The following STIM1 variants were observed in gnomAD, a reference collection of about 807,000 sequenced individuals.
The protein encoded by STIM1 is stromal interaction molecule 1.
In STIM1, 25 loss-of-function variants were observed where a neutral mutation model predicts 74.7. That is an observed-to-expected ratio of 0.33 (90% CI 0.24 to 0.47). The LOEUF (loss-of-function observed/expected upper bound fraction) is 0.47. STIM1 is among the 20% of genes least tolerant of loss of function. The probability of loss-of-function intolerance (pLI) is 1.00; values close to 1 mark genes in which losing one functional copy is unlikely to be tolerated. For synonymous variants in STIM1, 328 were observed against 348.8 expected (o/e 0.94, Z 0.66); for missense variants, 728 against 920.8 (o/e 0.79, Z 2.71).
At chr11:3,956,416 G>T (rs1299858951) in intron 1 of STIM1, among the ~76,000 whole-genome samples, 3 of 152,142 alleles carry the variant, frequency 2.0e-5, no homozygotes, top group Non-Finnish European at 4.4e-5. Context: ...GGGAAAAAAT[G>T]AATTTAGAAT....
chr11:3,963,127 T>C (rs146370520), intron 1 of STIM1, among the ~76,000 whole-genome samples: 3 of 152,316 alleles, frequency 2.0e-5, no homozygotes, highest in African/African-American at 7.2e-5. Flanking sequence ...CAAGTATAGG[T>C]TTGCTACATA....
chr11:3,984,583 T>C lies in STIM1; in HGVS notation c.270+16901T>C, dbSNP rs539107104. ...ATCAGTTTATAGGCCGCAACTTCCA[T>C]TGAGTTCAAGTTATTTGGCCCAGCT... On this transcript the variant is annotated intron_variant, in intron 2 of 12. Coordinates refer to ENST00000526596, the MANE Select transcript of STIM1 (RefSeq NM_001382567.1). Among the ~76,000 whole-genome samples the C allele has an allele frequency of 1.8e-3, 281 of 152,340 alleles. 1 individual carries two copies. The highest frequency in any genetic ancestry group is 6.5e-3 in the African/African-American group (270 of 41,588).
intron 1 of STIM1, among the ~76,000 whole-genome samples, chr11:3,887,040 A>T (rs1015608360): frequency 1.3e-5 from 2 of 152,032 alleles, no homozygotes; most frequent in African/African-American, 4.8e-5. Context: ...CCATATACTC[A>T]AGGAGTTTCC....
In STIM1 at chr11:3,907,452, G is replaced by A. The variant is rs564101500; in HGVS notation, c.139+51043G>A. Reference sequence around the variant, plus strand: ...ATGGAATCTGTCAGCATATCCTGTCGGTTCTACCTTTAAAACAAATCCAAC... The same window carrying A: ...ATGGAATCTGTCAGCATATCCTGTCAGTTCTACCTTTAAAACAAATCCAAC... On this transcript the variant is annotated intron_variant, in intron 1 of 12. Coordinates refer to ENST00000526596, the MANE Select transcript of STIM1 (RefSeq NM_001382567.1). Among the ~76,000 whole-genome samples, 6 of 152,102 alleles carry A rather than the reference G, an allele frequency of 3.9e-5. No homozygotes were observed. In the East Asian group the frequency reaches 7.7e-4, roughly 20 times the overall value.
At chr11:4,075,077 G>T (rs948074777) in intron 7 of STIM1, among the ~76,000 whole-genome samples, 2 of 152,104 alleles carry the variant, frequency 1.3e-5, no homozygotes, top group African/African-American at 4.8e-5. Flanking sequence ...GGAGGTGGAG[G>T]TTGCAGTGAG....
chr11:4,058,833 T>G, intron 4 of STIM1: 1 of 1,018,376 alleles, frequency 9.8e-7, no homozygotes, highest in Non-Finnish European at 1.2e-6. Context: ...CAGGTTTATA[T>G]ATAATGACAG....
chr11:3,981,374 G>A lies in STIM1; in HGVS notation c.270+13692G>A, dbSNP rs532219641. Among the ~76,000 whole-genome samples the A allele has an allele frequency of 2.6e-5, 4 of 152,278 alleles. No individual in the cohort carries two copies. The East Asian group carries it at 7.7e-4, about 29-fold the overall frequency. On this transcript the variant is annotated intron_variant, in intron 2 of 12. Transcript: ENST00000526596. The stretch of plus-strand genomic sequence containing the variant: ...CCTTAACTGTCCTACCAGATTTTGA[G>A]TTCCTTTAGGGGTCATGAACTAGGT...
intron 7 of STIM1, among the ~76,000 whole-genome samples, chr11:4,077,385 T>C (rs927116976): frequency 6.6e-6 from 1 of 152,058 alleles, no homozygotes; most frequent in Non-Finnish European, 1.5e-5. Context: ...TGATGTAGTC[T>C]AAAATATGTA....
intron 1 of STIM1, among the ~76,000 whole-genome samples, chr11:3,900,793 C>T (rs574622497): frequency 1.3e-3 from 200 of 152,308 alleles, no homozygotes; most frequent in African/African-American, 4.6e-3. Context: ...CTAAGCTGGT[C>T]TTGAACTCCT....
intron 5 of STIM1, 152 bp from the exon 6 acceptor site, chr11:4,069,874 G>A (rs954223212): frequency 2.4e-6 from 2 of 847,848 alleles, no homozygotes; most frequent in African/African-American, 3.3e-5. Flanking sequence ...ATAGTGTATG[G>A]CAAGTGTGTA....
At chr11:3,917,834 T>G (rs1286722144) in intron 1 of STIM1, among the ~76,000 whole-genome samples, 3 of 152,214 alleles carry the variant, frequency 2.0e-5, no homozygotes, top group Non-Finnish European at 4.4e-5. Flanking sequence ...AGGCGAAGAC[T>G]AAGTTTTCTG....
intron 12 of STIM1, 144 bp downstream of exon 12, chr11:4,086,687 C>T: frequency 3.9e-6 from 6 of 1,541,554 alleles, no homozygotes; most frequent in South Asian, 1.2e-5. Context: ...TCTTGCTCCT[C>T]TTCCATCACC....
chr11:3,855,011 G>A (rs2090309635), upstream of STIM1: 1 of 152,278 alleles, frequency 6.6e-6, no homozygotes, highest in African/African-American at 2.4e-5. Context: ...GGCCCTCCCA[G>A]GAGCGCCGAG....
chr11:3,925,326 C>T (rs567724412), intron 1 of STIM1, among the ~76,000 whole-genome samples: 165 of 152,286 alleles, frequency 1.1e-3, no homozygotes, highest in Non-Finnish European at 2.1e-3. Flanking sequence ...ACCTGGGAGG[C>T]GGAGGTTTCA....
chr11:4,051,404 G>A lies in STIM1; in HGVS notation c.386-4122G>A, dbSNP rs546681935. ...GTCACTCAGGCTGGAGTGCAGTGAC[G>A]CAATCTCGGCTCACTGCAACCTCTG... On this transcript the variant is annotated intron_variant, in intron 3 of 12. Coordinates refer to ENST00000526596, the MANE Select transcript of STIM1 (RefSeq NM_001382567.1). 6.3e-4 allele frequency among the ~76,000 whole-genome samples: 95 copies of A among 150,266 alleles called. 1 individual carries two copies. The highest frequency in any genetic ancestry group is 2.2e-3 in the African/African-American group (92 of 40,910).
At chr11:3,984,711 A>G (rs909915293) in intron 2 of STIM1, among the ~76,000 whole-genome samples, 6 of 152,174 alleles carry the variant, frequency 3.9e-5, no homozygotes, top group African/African-American at 1.4e-4. Flanking sequence ...TTGGAGTCCA[A>G]CCTGGGTTCA....
At chr11:4,088,548 A>G (rs543049956) in intron 12 of STIM1, 2 of 670,690 alleles carry the variant, frequency 3.0e-6, no homozygotes, top group Non-Finnish European at 5.3e-6. Context: ...TCCAGTACAG[A>G]TGGAGAGGAT....
intron 1 of STIM1, among the ~76,000 whole-genome samples, chr11:3,860,605 C>T (rs1171229935): frequency 1.3e-5 from 2 of 152,142 alleles, no homozygotes; most frequent in Non-Finnish European, 2.9e-5. Context: ...TTTCTCAGAT[C>T]TTGAGATGAA....
At chr11:3,911,081 T>C (rs2092555210) in intron 1 of STIM1, among the ~76,000 whole-genome samples, 1 of 152,198 alleles carries the variant, frequency 6.6e-6, no homozygotes, top group Non-Finnish European at 1.5e-5. Flanking sequence ...GCCTTCCTTC[T>C]GTAAGGGCTT....
Sources: gnomAD v4.1 joint callset for allele counts (sites outside exome capture counted in the v4.1 genomes callset) on GRCh38, gnomAD v4.1.1 for gene constraint, MANE v1.5 for transcripts, NCBI Gene and HGNC (gene_info 2026-07-23, HGNC 2026-07-21) for gene names.